The following DPP10 variants were observed in gnomAD, a reference collection of about 807,000 sequenced individuals.
The protein encoded by DPP10 is inactive dipeptidyl peptidase 10.
A neutral mutation model predicts 120.9 loss-of-function variants in DPP10; 33 were observed. That is an observed-to-expected ratio of 0.27 (90% CI 0.21 to 0.37). The LOEUF (loss-of-function observed/expected upper bound fraction) is 0.37, where lower values mean the gene tolerates loss of function less well. Ranked by LOEUF, DPP10 falls within the 10% of genes least tolerant of loss-of-function variation. The pLI, the probability that DPP10 is intolerant of heterozygous loss-of-function variation, is 1.00. For synonymous variants in DPP10, 337 were observed against 326.1 expected (o/e 1.03, Z -0.36); for missense variants, 816 against 942.8 (o/e 0.87, Z 1.76).
intron 3 of DPP10, among the ~76,000 whole-genome samples, chr2:115,442,514 A>C (rs2104884067): frequency 6.6e-6 from 1 of 152,248 alleles, no homozygotes; most frequent in Admixed American, 6.5e-5. Flanking sequence ...AATGTTGCTT[A>C]GGATTTGTAA....
intron 1 of DPP10, among the ~76,000 whole-genome samples, chr2:115,260,902 T>C (rs72955573): frequency 0.02 from 2,976 of 152,274 alleles, 95 homozygotes; most frequent in African/African-American, 0.067. Context: ...ACAAGGGAGT[T>C]GGGGCGTGCT....
At chr2:115,350,592 G>C (rs942282955) in intron 3 of DPP10, among the ~76,000 whole-genome samples, 1 of 152,034 alleles carries the variant, frequency 6.6e-6, no homozygotes, top group African/African-American at 2.4e-5. Context: ...TCAGAGATCT[G>C]TATGAAAAGG....
chr2:114,492,401 C>A (rs1266076931), intron 1 of DPP10, among the ~76,000 whole-genome samples: 1 of 152,046 alleles, frequency 6.6e-6, no homozygotes, highest in Non-Finnish European at 1.5e-5. Flanking sequence ...TCTTAATTTT[C>A]TTTTGATTGA....
At chr2:114,475,219 C>G (rs1346264790) in intron 1 of DPP10, among the ~76,000 whole-genome samples, 1 of 152,112 alleles carries the variant, frequency 6.6e-6, no homozygotes, top group Non-Finnish European at 1.5e-5. Flanking sequence ...AAACACTTAC[C>G]ATGATATCCT....
intron 17 of DPP10, among the ~76,000 whole-genome samples, chr2:115,790,321 C>T (rs1683824458): frequency 6.6e-6 from 1 of 151,884 alleles, no homozygotes; most frequent in Admixed American, 6.6e-5. Context: ...CCTCATGATC[C>T]ACCCGCCTCG....
intron 5 of DPP10, among the ~76,000 whole-genome samples, chr2:115,533,856 A>G (rs755258906): frequency 2.0e-5 from 3 of 152,018 alleles, no homozygotes; most frequent in Admixed American, 6.6e-5. Context: ...CTGCCTTCCT[A>G]TGTAACCTTC....
intron 3 of DPP10, among the ~76,000 whole-genome samples, chr2:115,424,162 TCAGCATC>T (rs931897139): frequency 1.6e-4 from 24 of 151,864 alleles, no homozygotes; most frequent in Non-Finnish European, 3.1e-4. Context: ...ACCAAAAGAG[TCAGCATC>T]CAGTATTGTT....
intron 1 of DPP10, among the ~76,000 whole-genome samples, chr2:114,817,357 G>A (rs1023193203): frequency 6.6e-6 from 1 of 151,670 alleles, no homozygotes; most frequent in South Asian, 2.1e-4. Context: ...TGTTAATGAA[G>A]CTATGCCACT....
At chr2:114,559,779 G>A (rs1248933348) in intron 1 of DPP10, among the ~76,000 whole-genome samples, 1 of 150,644 alleles carries the variant, frequency 6.6e-6, no homozygotes, top group Non-Finnish European at 1.5e-5. Flanking sequence ...AGTAGGTCAT[G>A]AACGTGATAG....
intron 1 of DPP10, among the ~76,000 whole-genome samples, chr2:114,968,415 G>T (rs1196800412): frequency 6.6e-6 from 1 of 152,010 alleles, no homozygotes; most frequent in Non-Finnish European, 1.5e-5. Flanking sequence ...TACATGTATT[G>T]CCCTCCACTA....
At chr2:114,910,737 G>A (rs984048331) in intron 1 of DPP10, among the ~76,000 whole-genome samples, 1 of 152,018 alleles carries the variant, frequency 6.6e-6, no homozygotes, top group South Asian at 2.1e-4. Context: ...CTTTAAAATA[G>A]ACTCCACATA....
chr2:115,635,456 G>T (rs1408484262), intron 5 of DPP10, among the ~76,000 whole-genome samples: 10 of 152,162 alleles, frequency 6.6e-5, no homozygotes, highest in African/African-American at 2.4e-4. Flanking sequence ...CCCTTGCCCT[G>T]TCTGACTCCT....
rs1677946785 is a variant in DPP10, at chr2:115,746,172, C to T, written c.939C>T (p.Ser313=). 1.6e-5 allele frequency: 26 copies of T among 1,611,534 alleles called. No individual in the cohort carries two copies. Among genetic ancestry groups the T allele is most frequent in the Non-Finnish European group, 2.1e-5 (25 of 1,178,696 alleles). The change falls in exon 10 of 26, where the codon AGC becomes AGT. Residue 313 remains serine (S), a synonymous_variant. Coordinates refer to ENST00000410059, the MANE Select transcript of DPP10 (RefSeq NM_020868.6). ...CTTTGGAGCTCATGCCACCTGACAG[C>T]TTTAAATCAAGGTATGCAATTTCAA... ...THTLELMPPD[S]FKSREYYITM...
chr2:114,830,564 TAC>T (rs1417345786), intron 1 of DPP10, among the ~76,000 whole-genome samples: 3 of 152,222 alleles, frequency 2.0e-5, no homozygotes, highest in African/African-American at 7.2e-5. Flanking sequence ...CCCTCCCCGT[TAC>T]ACCCAGCACA....
chr2:115,329,743 A>C (rs549022599), intron 2 of DPP10, among the ~76,000 whole-genome samples: 8 of 152,262 alleles, frequency 5.3e-5, no homozygotes, highest in African/African-American at 1.9e-4. Context: ...AGCTTCTTCC[A>C]TGTCCCTACA....
chr2:115,830,073 C>T (rs925357191), intron 21 of DPP10, among the ~76,000 whole-genome samples: 1 of 151,996 alleles, frequency 6.6e-6, no homozygotes, highest in East Asian at 1.9e-4. Flanking sequence ...ACATTAATCA[C>T]AGCCGGGAGC....
intron 3 of DPP10, among the ~76,000 whole-genome samples, chr2:115,451,670 T>TTTAAGAAG (rs2073117374): frequency 2.6e-5 from 4 of 152,098 alleles, no homozygotes. Flanking sequence ...AAGAAGTACT[T>TTTAAGAAG]TATTCTCATT....
At chr2:114,587,616 C>T (rs1284795956) in intron 1 of DPP10, among the ~76,000 whole-genome samples, 3 of 152,022 alleles carry the variant, frequency 2.0e-5, no homozygotes, top group Non-Finnish European at 4.4e-5. Context: ...GGGGATCATT[C>T]GCACTCTCAC....
intron 5 of DPP10, among the ~76,000 whole-genome samples, chr2:115,587,100 T>C (rs2082338023): frequency 6.8e-6 from 1 of 146,280 alleles, no homozygotes; most frequent in Non-Finnish European, 1.5e-5. Context: ...TTTTTTTTTT[T>C]TTTTTTTTTT....
Sources: allele counts gnomAD v4.1 joint callset (sites outside exome capture counted in the v4.1 genomes callset), GRCh38; gene constraint gnomAD v4.1.1; transcripts MANE v1.5; gene names NCBI Gene and HGNC (gene_info 2026-07-23, HGNC 2026-07-21).